Variants in FSTL5 observed in about 807,000 individuals in gnomAD.
FSTL5 encodes the protein follistatin like 5, also known as follistatin-related protein 5.
A neutral mutation model predicts 89.1 loss-of-function variants in FSTL5; 62 were observed. The observed-to-expected ratio is 0.70, with a 90% CI of 0.57 to 0.86. The LOEUF (loss-of-function observed/expected upper bound fraction) is 0.86. Among genes scored for constraint, FSTL5 ranks in the 40% least tolerant of loss-of-function variants. The pLI, the probability that FSTL5 is intolerant of heterozygous loss-of-function variation, is 0.00. For synonymous variants in FSTL5, 383 were observed against 346.2 expected (o/e 1.11, Z -1.18); for missense variants, 1,057 against 1,001.6 (o/e 1.06, Z -0.75).
At chr4:161,885,493 T>G (rs781261417) in intron 4 of FSTL5, among the ~76,000 whole-genome samples, 19 of 152,298 alleles carry the variant, frequency 1.2e-4, no homozygotes, top group Middle Eastern at 3.4e-3. Flanking sequence ...TTGCCCAGAC[T>G]GGAGTGCAGT....
chr4:161,817,173 T>G (rs1413971255), intron 4 of FSTL5, among the ~76,000 whole-genome samples: 1 of 152,146 alleles, frequency 6.6e-6, no homozygotes, highest in Non-Finnish European at 1.5e-5. Flanking sequence ...ATAATGATAT[T>G]TTATTAGTGG....
At chr4:161,861,791 A>T (rs750606573) in intron 4 of FSTL5, among the ~76,000 whole-genome samples, 4 of 152,238 alleles carry the variant, frequency 2.6e-5, no homozygotes, top group Non-Finnish European at 5.9e-5. Context: ...AATAGTTGAC[A>T]GCAAGATGGA....
chr4:161,466,145 A>T (rs1733741625), intron 13 of FSTL5, among the ~76,000 whole-genome samples: 1 of 152,150 alleles, frequency 6.6e-6, no homozygotes, highest in Non-Finnish European at 1.5e-5. Flanking sequence ...GATAAAAGCA[A>T]TTTTTCTTTA....
intron 4 of FSTL5, among the ~76,000 whole-genome samples, chr4:161,868,114 G>A (rs1293838478): frequency 6.6e-6 from 1 of 151,890 alleles, no homozygotes; most frequent in Non-Finnish European, 1.5e-5. Context: ...AATGTTTGAG[G>A]AATAGCAATA....
At chr4:161,829,204 T>G (rs1238655936) in intron 4 of FSTL5, among the ~76,000 whole-genome samples, 1 of 148,774 alleles carries the variant, frequency 6.7e-6, no homozygotes, top group Non-Finnish European at 1.5e-5. Flanking sequence ...TAGTCTATGT[T>G]ATATAAATAC....
chr4:161,734,042 TA>T (rs1165666076), intron 6 of FSTL5, among the ~76,000 whole-genome samples: 3 of 152,104 alleles, frequency 2.0e-5, no homozygotes, highest in Non-Finnish European at 2.9e-5. Context: ...ATTACGTATT[TA>T]ATCTGTTTAC....
intron 6 of FSTL5, among the ~76,000 whole-genome samples, chr4:161,668,116 A>G (rs1736964612): frequency 6.6e-6 from 1 of 152,172 alleles, no homozygotes; most frequent in Non-Finnish European, 1.5e-5. Context: ...GATAAAACCA[A>G]TAAGCCTCAA....
At position 161,703,628 on chromosome 4, in the gene FSTL5, C is replaced by A. The variant is rs756998342; in HGVS notation, c.728-47134G>T. 1.1e-4 allele frequency among the ~76,000 whole-genome samples: 17 copies of A among 152,090 alleles called. 1 individual carries two copies. The highest frequency in any genetic ancestry group is 2.2e-4 in the Non-Finnish European group (15 of 68,020). On this transcript the variant is annotated intron_variant, in intron 6 of 15. Transcript: ENST00000306100. ...CTTATGGGACAATGACTCACTTTGG[C>A]AATTACTCTGTTTTCCAACCATGAA... is the stretch of plus-strand genomic sequence containing the variant.
At chr4:161,929,929 AT>A (rs773929029) in intron 3 of FSTL5, among the ~76,000 whole-genome samples, 1 of 151,546 alleles carries the variant, frequency 6.6e-6, no homozygotes, top group Non-Finnish European at 1.5e-5. Flanking sequence ...CAAATTTATA[AT>A]TTTTGATGTG....
In FSTL5 at chr4:161,817,526, G is replaced by A. The variant is rs558873071; in HGVS notation, c.410-41452C>T. Among the ~76,000 whole-genome samples the A allele has an allele frequency of 8.5e-5, 13 of 152,136 alleles. No homozygotes were observed. The South Asian group carries it at 1.7e-3, about 19-fold the overall frequency. On this transcript the variant is annotated intron_variant, in intron 4 of 15. Coordinates refer to ENST00000306100, the MANE Select transcript of FSTL5 (RefSeq NM_020116.5). ...ATGGCTCCTCAGGGTAAATAAAAAA[G>A]AAAAATCACTCTGTATTCTCATGGT... is the stretch of plus-strand genomic sequence containing the variant.
At chr4:161,813,338 T>C (rs1252448827) in intron 4 of FSTL5, among the ~76,000 whole-genome samples, 2 of 152,134 alleles carry the variant, frequency 1.3e-5, no homozygotes, top group African/African-American at 4.8e-5. Flanking sequence ...TGAAAGATTC[T>C]TTAGAATCAC....
chr4:162,011,172 G>T (rs146866820), intron 3 of FSTL5, among the ~76,000 whole-genome samples: 203 of 152,210 alleles, frequency 1.3e-3, no homozygotes, highest in African/African-American at 4.6e-3. Context: ...AAGGTTGGGG[G>T]TTTGGAGTTA....
At chr4:161,765,871 C>T (rs978376720) in intron 5 of FSTL5, among the ~76,000 whole-genome samples, 3 of 151,692 alleles carry the variant, frequency 2.0e-5, no homozygotes, top group African/African-American at 4.8e-5. Flanking sequence ...TCTCGGCTCA[C>T]TGCAACCTTG....
chr4:161,852,353 C>G (rs1370814230), intron 4 of FSTL5, among the ~76,000 whole-genome samples: 1 of 152,140 alleles, frequency 6.6e-6, no homozygotes. Flanking sequence ...GCATCCTACT[C>G]TTTAGAATAA....
At chr4:161,896,258 TAAATG>T (rs1733153927) in intron 4 of FSTL5, among the ~76,000 whole-genome samples, 1 of 152,222 alleles carries the variant, frequency 6.6e-6, no homozygotes, top group Non-Finnish European at 1.5e-5. Context: ...GATTGCATGT[TAAATG>T]AAACACATGA....
chr4:161,734,237 T>C (rs1296891784), intron 6 of FSTL5, among the ~76,000 whole-genome samples: 1 of 152,116 alleles, frequency 6.6e-6, no homozygotes, highest in Non-Finnish European at 1.5e-5. Context: ...ATAAGTAAAA[T>C]TTAGATGCCA....
chr4:161,658,194 G>A (rs181988780), intron 6 of FSTL5, among the ~76,000 whole-genome samples: 48 of 152,164 alleles, frequency 3.2e-4, no homozygotes, highest in Non-Finnish European at 5.1e-4. Context: ...GGCCAGGCAC[G>A]GTGGCTCACG....
chr4:161,917,940 T>G (rs1733885578), intron 4 of FSTL5, among the ~76,000 whole-genome samples: 1 of 152,210 alleles, frequency 6.6e-6, no homozygotes, highest in Admixed American at 6.5e-5. Flanking sequence ...TTTAAAAATC[T>G]AAAAGTAGCA....
intron 2 of FSTL5, among the ~76,000 whole-genome samples, chr4:162,056,997 G>A (rs751331043): frequency 4.6e-5 from 7 of 152,164 alleles, no homozygotes; most frequent in Admixed American, 6.6e-5. Flanking sequence ...GCTACATGGA[G>A]ACATTTGATT....
Sources: allele counts gnomAD v4.1 joint callset (sites outside exome capture counted in the v4.1 genomes callset), GRCh38; gene constraint gnomAD v4.1.1; transcripts MANE v1.5; gene names NCBI Gene and HGNC (gene_info 2026-07-23, HGNC 2026-07-21).